The following ACOXL variants were observed in gnomAD, a reference collection of about 807,000 sequenced individuals.
ACOXL encodes the protein acyl-coenzyme A oxidase-like protein.
In ACOXL, 70 loss-of-function variants were observed where a neutral mutation model predicts 71.9. The ratio of observed to expected loss-of-function variants is 0.97; its 90% CI spans 0.80 to 1.19. The LOEUF is 1.19. ACOXL is among the 50% of genes most tolerant of loss of function. ACOXL has a pLI of 0.00. For missense variants in ACOXL, 703 were observed against 736.3 expected (o/e 0.95, Z 0.52); for synonymous variants, 253 against 281.6 (o/e 0.90, Z 1.02).
intron 16 of ACOXL, among the ~76,000 whole-genome samples, chr2:111,067,763 T>C (rs756652976): frequency 2.6e-5 from 4 of 152,168 alleles, no homozygotes; most frequent in Non-Finnish European, 5.9e-5. Flanking sequence ...AACCAAAGTA[T>C]CAAAGAACAG....
chr2:110,734,681 G>A (rs1196950248), intron 1 of ACOXL, among the ~76,000 whole-genome samples: 2 of 151,870 alleles, frequency 1.3e-5, no homozygotes, highest in Non-Finnish European at 2.9e-5. Context: ...TTTGTTCCTG[G>A]GCTATCACCT....
At chr2:110,982,438 C>T (rs1465182027) in intron 12 of ACOXL, among the ~76,000 whole-genome samples, 2 of 152,026 alleles carry the variant, frequency 1.3e-5, no homozygotes, top group Admixed American at 6.6e-5. Context: ...CTCCCTTCTT[C>T]TTCTGTCATC....
chr2:111,079,389 A>T (rs1485578619), intron 16 of ACOXL, among the ~76,000 whole-genome samples: 1 of 152,268 alleles, frequency 6.6e-6, no homozygotes, highest in East Asian at 1.9e-4. Context: ...AGTCTTTTGT[A>T]TGCTAATTAG....
At chr2:111,047,793 A>G (rs970449637) in intron 15 of ACOXL, among the ~76,000 whole-genome samples, 2 of 152,242 alleles carry the variant, frequency 1.3e-5, no homozygotes, top group East Asian at 3.8e-4. Context: ...CTGGGTGGGT[A>G]TATGCATTGG....
At chr2:110,805,491 A>G in intron 9 of ACOXL, 96 bp downstream of exon 9, 2 of 1,541,398 alleles carry the variant, frequency 1.3e-6, no homozygotes, top group Admixed American at 1.8e-5. Context: ...CTGGAGCCAC[A>G]GTTGGTATAA....
At chr2:110,736,204 A>G (rs1198505953) in intron 1 of ACOXL, among the ~76,000 whole-genome samples, 2 of 151,438 alleles carry the variant, frequency 1.3e-5, no homozygotes, top group Non-Finnish European at 3.0e-5. Flanking sequence ...TCCTACAGCC[A>G]TTTTTTTTTA....
chr2:110,781,510 C>G (rs568627130), intron 2 of ACOXL, among the ~76,000 whole-genome samples: 1 of 151,776 alleles, frequency 6.6e-6, no homozygotes, highest in Admixed American at 6.6e-5. Flanking sequence ...GGCATGGTGG[C>G]GCGCACCTGT....
intron 12 of ACOXL, among the ~76,000 whole-genome samples, chr2:110,986,277 G>A (rs979131262): frequency 5.9e-5 from 9 of 152,182 alleles, no homozygotes; most frequent in African/African-American, 1.9e-4. Flanking sequence ...ATAAAGCAAA[G>A]AAGAAATGTT....
Position 110,908,796 on chromosome 2 carries a change from C to G in ACOXL, c.796C>G (p.Gln266Glu). The G allele has an allele frequency of 6.2e-7, 1 of 1,613,810 alleles. No individual in the cohort carries two copies. Among genetic ancestry groups the G allele is most frequent in the Non-Finnish European group, 8.5e-7 (1 of 1,179,774 alleles). The part of the protein sequence containing the change: ...IAIRYSHSRR[Q>E]FGPKTKEEVK... ...TCTGTTGATTCCCTCTAGCCGGAGGCAGTTTGGGCCCAAAACCAAGGAAGA... is the reference window on the plus strand; with the variant it reads ...TCTGTTGATTCCCTCTAGCCGGAGGGAGTTTGGGCCCAAAACCAAGGAAGA... The change falls in exon 11 of 18, where the codon CAG becomes GAG. Residue 266 changes from glutamine (Q) to glutamate (E), a missense_variant. Transcript: ENST00000439055.
At chr2:110,838,233 C>T (rs999968265) in intron 9 of ACOXL, among the ~76,000 whole-genome samples, 10 of 152,226 alleles carry the variant, frequency 6.6e-5, no homozygotes, top group East Asian at 1.9e-4. Context: ...TGCATGTGTG[C>T]GTGTGCATGT....
At chr2:110,883,369 C>T (rs1696907163) in intron 10 of ACOXL, among the ~76,000 whole-genome samples, 1 of 152,164 alleles carries the variant, frequency 6.6e-6, no homozygotes, top group African/African-American at 2.4e-5. Flanking sequence ...CTCAGCATCC[C>T]AAAGTACTGG....
chr2:110,893,255 T>C (rs2149159005), intron 10 of ACOXL, among the ~76,000 whole-genome samples: 1 of 152,228 alleles, frequency 6.6e-6, no homozygotes, highest in South Asian at 2.1e-4. Flanking sequence ...AAAGAGCTTC[T>C]ATAAATAAGT....
At chr2:110,933,687 C>G in intron 12 of ACOXL, 45 bp downstream of exon 12, 3 of 1,571,180 alleles carry the variant, frequency 1.9e-6, no homozygotes, top group Non-Finnish European at 2.6e-6. Context: ...CACGATACAA[C>G]CCACACTGGG....
intron 7 of ACOXL, 37 bp downstream of exon 7, chr2:110,799,137 T>C: frequency 6.3e-7 from 1 of 1,577,522 alleles, no homozygotes. Flanking sequence ...TGCTCACTCT[T>C]CCTACCTGCT....
Position 111,102,449 on chromosome 2 carries a change from C to T in ACOXL, c.1542+9483C>T, listed in dbSNP as rs1370168670. 2.0e-5 allele frequency among the ~76,000 whole-genome samples: 3 copies of T among 152,152 alleles called. 1 individual carries two copies. On this transcript the variant is annotated intron_variant, in intron 17 of 17. Transcript: ENST00000439055. Reference sequence around the variant, plus strand: ...GGTAACTAATAAGCACAAGAGAGGGCAAATTGTTTTGCTGAGCTCCAGCCT... The same window carrying T: ...GGTAACTAATAAGCACAAGAGAGGGTAAATTGTTTTGCTGAGCTCCAGCCT...
At chr2:110,759,737 C>T (rs72831000) in intron 1 of ACOXL, among the ~76,000 whole-genome samples, 3,967 of 152,180 alleles carry the variant, frequency 0.026, 74 homozygotes, top group East Asian at 0.055. Flanking sequence ...TTTAAAATCA[C>T]TTGTTGGCAT....
chr2:111,033,377 A>G (rs2065363501), intron 15 of ACOXL, among the ~76,000 whole-genome samples: 1 of 152,238 alleles, frequency 6.6e-6, no homozygotes, highest in Non-Finnish European at 1.5e-5. Flanking sequence ...CAGTTTATTC[A>G]TCAGAAAGAA....
In ACOXL at chr2:111,069,901, A is replaced by G. The variant is rs80196760; in HGVS notation, c.1440+20613A>G. Reference sequence around the variant, plus strand: ...TTGAATTTGCTCCTTCCCATTGGACATGGTAAAGGCACTGCAACACCACAA... The same window carrying G: ...TTGAATTTGCTCCTTCCCATTGGACGTGGTAAAGGCACTGCAACACCACAA... On this transcript the variant is annotated intron_variant, in intron 16 of 17. Coordinates refer to ENST00000439055, the MANE Select transcript of ACOXL (RefSeq NM_001142807.4). Among the ~76,000 whole-genome samples the G allele has an allele frequency of 4.4e-3, 675 of 152,052 alleles. 10 individuals are homozygous for G. In the East Asian group the frequency reaches 0.048, roughly 11 times the overall value.
At chr2:111,060,522 A>G (rs2066763409) in intron 16 of ACOXL, among the ~76,000 whole-genome samples, 1 of 152,196 alleles carries the variant, frequency 6.6e-6, no homozygotes, top group African/African-American at 2.4e-5. Context: ...CTGATGGTGC[A>G]GCATCACAGG....
Sources: allele counts gnomAD v4.1 joint callset (sites outside exome capture counted in the v4.1 genomes callset), GRCh38; gene constraint gnomAD v4.1.1; transcripts MANE v1.5; gene names NCBI Gene and HGNC (gene_info 2026-07-23, HGNC 2026-07-21).